Variants in DNAH6 observed in about 807,000 individuals in gnomAD.
DNAH6 encodes axonemal beta dynein heavy chain 6.
In DNAH6, 340 loss-of-function variants were observed where a neutral mutation model predicts 491.4. The observed-to-expected ratio is 0.69, with a 90% CI of 0.63 to 0.76. DNAH6 has a LOEUF of 0.76. DNAH6 is among the 30% of genes least tolerant of loss of function. DNAH6 has a pLI of 0.00. For missense variants in DNAH6, 4,443 were observed against 4,972.2 expected (o/e 0.89, Z 3.20); for synonymous variants, 1,603 against 1,686.1 (o/e 0.95, Z 1.21).
At chr2:84,596,425 G>A (rs1408476720) in intron 18 of DNAH6, among the ~76,000 whole-genome samples, 1 of 152,020 alleles carries the variant, frequency 6.6e-6, no homozygotes, top group Non-Finnish European at 1.5e-5. Context: ...CTGGGTTCAA[G>A]CGATTCTCCT....
At position 84,700,602 on chromosome 2, in the gene DNAH6, G is replaced by A. The variant is rs111369304; in HGVS notation, c.7819-495G>A. Among the ~76,000 whole-genome samples the A allele has an allele frequency of 4.2e-3, 640 of 152,290 alleles. 3 individuals carry two copies. Among genetic ancestry groups the A allele is most frequent in the African/African-American group, 0.014 (599 of 41,546 alleles). On this transcript the variant is annotated intron_variant, in intron 48 of 76. Coordinates refer to ENST00000389394, the MANE Select transcript of DNAH6 (RefSeq NM_001370.2). ...CAAAAATTTAAAGTGATACTAATTG[G>A]CAGCCATGCTCAGCTGCACAGTTGC...
At chr2:84,481,466 A>G in the DNAH6 span, among the ~76,000 whole-genome samples, 2 of 152,168 alleles carry the variant, frequency 1.3e-5, no homozygotes, top group African/African-American at 2.4e-5. Context: ...GCTCACTAAC[A>G]TGTGGAAAAG....
chr2:84,589,401 A>T (rs778950817), intron 16 of DNAH6, among the ~76,000 whole-genome samples: 2 of 152,168 alleles, frequency 1.3e-5, no homozygotes, highest in Non-Finnish European at 2.9e-5. Context: ...TAAGCCAGGG[A>T]CAAATGGGTG....
intron 33 of DNAH6, among the ~76,000 whole-genome samples, chr2:84,649,459 G>A (rs1331688407): frequency 1.3e-5 from 2 of 151,886 alleles, no homozygotes; most frequent in Non-Finnish European, 1.5e-5. Context: ...ATTCTTCATG[G>A]TAGATCTGCT....
At position 84,694,429 on chromosome 2, in the gene DNAH6, A is replaced by G. The variant is rs553619209; in HGVS notation, c.7473A>G (p.Lys2491=). Residue 2491 remains lysine, a synonymous_variant, in exon 46 of 77, where the codon AAA becomes AAG. Coordinates refer to ENST00000389394, the MANE Select transcript of DNAH6 (RefSeq NM_001370.2). The part of the protein sequence containing the change: ...SFHEDLRKLY[K]MAGVEDKNMV... Reference sequence around the variant, plus strand: ...ATGAAGACCTGAGGAAGTTGTACAAAATGGCTGGTGTAGAAGACAAGAATA... The same window carrying G: ...ATGAAGACCTGAGGAAGTTGTACAAGATGGCTGGTGTAGAAGACAAGAATA... 1 of 1,552,166 alleles carries G rather than the reference A, an allele frequency of 6.4e-7. No individual in the cohort carries two copies. The highest frequency in any genetic ancestry group is 1.2e-5 in the South Asian group (1 of 84,064).
At chr2:84,524,628 C>A (rs1328766856) in intron 2 of DNAH6, among the ~76,000 whole-genome samples, 1 of 152,008 alleles carries the variant, frequency 6.6e-6, no homozygotes, top group East Asian at 1.9e-4. Context: ...TAAGGCAGAT[C>A]TGGTGGTAAT....
At chr2:84,725,740 G>A (rs1417111933) in intron 60 of DNAH6, among the ~76,000 whole-genome samples, 2 of 152,122 alleles carry the variant, frequency 1.3e-5, no homozygotes, top group Non-Finnish European at 2.9e-5. Context: ...CATATTTGTA[G>A]GTGACAGCCT....
rs1382316616 is a variant in DNAH6 at position 84,544,385 on chromosome 2, T to C, written c.815T>C (p.Ile272Thr). The C allele has an allele frequency of 1.3e-6, 2 of 1,546,206 alleles. No homozygotes were observed. The highest frequency in any genetic ancestry group is 2.5e-5 in the East Asian group (1 of 40,788). Reference protein sequence around the residue: ...LYHRELTKIPIFSLFRKWKAF... With the variant: ...LYHRELTKIPTFSLFRKWKAF... The stretch of plus-strand genomic sequence containing the variant: ...CACAGAGAACTCACTAAGATTCCCA[T>C]ATTTTCACTGTTCCGGAAATGGAAG... Residue 272 changes from isoleucine (I) to threonine (T), a missense_variant, in exon 5 of 77, where the codon ATA becomes ACA. By Grantham distance (89) the Ile-to-Thr change is moderately conservative. Around this residue, in one of 3 missense-constraint regions of DNAH6, gnomAD observed 2,977 missense variants for 3,296.6 expected, o/e 0.90. Coordinates refer to ENST00000389394, the MANE Select transcript of DNAH6 (RefSeq NM_001370.2).
chr2:84,624,768 C>A (rs1687703802), intron 28 of DNAH6, 134 bp from the exon 29 acceptor site: 2 of 1,228,016 alleles, frequency 1.6e-6, no homozygotes, highest in Admixed American at 2.8e-5. Context: ...TAATTATGTG[C>A]ATGGATCTTT....
At position 84,550,006 on chromosome 2, in the gene DNAH6, T is replaced by C. The variant is rs1679171234; in HGVS notation, c.1434T>C (p.Asp478=). 1.9e-6 allele frequency: 3 copies of C among 1,614,054 alleles called. No homozygotes were observed. The highest frequency in any genetic ancestry group is 2.5e-6 in the Non-Finnish European group (3 of 1,179,956). ...TDKLKRTPSA[D]VIQKWITEEK... ...AGCTAAAACGAACACCTTCAGCAGA[T>C]GTCATTCAGAAATGGATTACTGAAG... Residue 478 remains aspartate (D), a synonymous_variant, in exon 9 of 77, where the codon GAT becomes GAC. Transcript: ENST00000389394.
intron 29 of DNAH6, among the ~76,000 whole-genome samples, chr2:84,626,894 C>T (rs1043344618): frequency 2.6e-5 from 4 of 152,210 alleles, no homozygotes; most frequent in Admixed American, 2.0e-4. Context: ...GCGTGAGCCA[C>T]CGCGCCCGGC....
At chr2:84,704,031 A>G in intron 50 of DNAH6, 36 bp from the exon 51 acceptor site, 1 of 1,472,702 alleles carries the variant, frequency 6.8e-7, no homozygotes, top group South Asian at 1.3e-5. Context: ...AATTCAAATA[A>G]TGAGGCCACT....
chr2:84,677,069 T>C lies in DNAH6; in HGVS notation c.6677T>C (p.Phe2226Ser). Residue 2226 changes from phenylalanine to serine, a missense_variant, in exon 41 of 77, where the codon TTC becomes TCC. Transcript: ENST00000389394. ...GGCCGCAACCCTGTGACTCCCCGCT[T>C]CATCAGACACTTCAGCATGCTGTGC... The part of the protein sequence containing the change: ...GGGRNPVTPR[F>S]IRHFSMLCLP... 1.3e-6 allele frequency: 2 copies of C among 1,551,758 alleles called. No homozygotes were observed. The highest frequency in any genetic ancestry group is 1.7e-6 in the Non-Finnish European group (2 of 1,146,982).
At chr2:84,643,894 TTG>T (rs149760717) in intron 33 of DNAH6, among the ~76,000 whole-genome samples, 1 of 146,716 alleles carries the variant, frequency 6.8e-6, no homozygotes, top group Non-Finnish European at 1.5e-5. Context: ...TCTCTTCAAA[TTG>T]TGTTTTTTTT....
chr2:84,491,958 G>A, the DNAH6 span, among the ~76,000 whole-genome samples: 644 of 152,278 alleles, frequency 4.2e-3, 1 homozygote, highest in Non-Finnish European at 6.8e-3. Context: ...GGTCTTCCCC[G>A]TTGCGCCGGT....
Position 84,658,448 on chromosome 2 carries a change from G to T in DNAH6, c.5914G>T (p.Gly1972Trp). 1.3e-6 allele frequency: 2 copies of T among 1,519,694 alleles called. No individual in the cohort carries two copies. The highest frequency in any genetic ancestry group is 1.8e-6 in the Non-Finnish European group (2 of 1,132,472). The allele number at this position is 1,519,694 out of a possible 1,614,324, so 94.1% of individuals were successfully genotyped here. A position where few individuals can be genotyped will look rare whatever the true frequency, so the allele number is the denominator to read the frequency against. ...TTGCTTATTGGAGTCCTTGATACTT[G>T]GGAAAGATGGAGTTAACTTGGCAAT... is the stretch of plus-strand genomic sequence containing the variant. ...LCCLLESLIL[G>W]KDGVNLAMEQ... is the part of the protein sequence containing the mutation. Residue 1972 changes from glycine (G) to tryptophan (W), a missense_variant, in exon 36 of 77, where the codon GGG becomes TGG. This residue lies in a region of DNAH6 where 2,977 missense variants were observed against 3,296.6 expected (regional missense o/e 0.90). Coordinates refer to ENST00000389394, the MANE Select transcript of DNAH6 (RefSeq NM_001370.2).
chr2:84,518,794 A>G (rs1228984169), intron 2 of DNAH6, among the ~76,000 whole-genome samples: 2 of 152,236 alleles, frequency 1.3e-5, no homozygotes, highest in Non-Finnish European at 2.9e-5. Context: ...ACAAATATAA[A>G]TGAACAAAAA....
At chr2:84,606,770 G>A (rs1043427580) in intron 20 of DNAH6, among the ~76,000 whole-genome samples, 1 of 152,114 alleles carries the variant, frequency 6.6e-6, no homozygotes, top group Non-Finnish European at 1.5e-5. Context: ...GCAATCAGAA[G>A]TCCTAGGTGA....
chr2:84,551,971 C>A (rs1679416169), intron 9 of DNAH6, among the ~76,000 whole-genome samples: 2 of 151,580 alleles, frequency 1.3e-5, no homozygotes, highest in South Asian at 4.2e-4. Context: ...TTGCTTCAAC[C>A]CAGGAGATGG....
Sources: gnomAD v4.1 joint callset for allele counts (sites outside exome capture counted in the v4.1 genomes callset) on GRCh38, gnomAD v4.1.1 for gene constraint, gnomAD v4.1.1 regional missense constraint, MANE v1.5 for transcripts, NCBI Gene and HGNC (gene_info 2026-07-23, HGNC 2026-07-21) for gene names.